The following SPAG1 variants were observed in gnomAD, a reference collection of about 807,000 sequenced individuals.
SPAG1 encodes the protein sperm associated antigen 1, also known as sperm-associated antigen 1.
Under a neutral mutation model 100.5 loss-of-function variants are expected in SPAG1, and 69 were observed. The ratio of observed to expected loss-of-function variants is 0.69; its 90% CI spans 0.57 to 0.84. The LOEUF is 0.84. SPAG1 is among the 40% of genes least tolerant of loss of function. SPAG1 has a pLI of 0.00. For synonymous variants in SPAG1, 336 were observed against 411.6 expected, an observed-to-expected ratio of 0.82 and a Z score of 2.22; for missense variants, 955 against 1,133.1, an observed-to-expected ratio of 0.84 and a Z score of 2.26.
rs565231006 is a variant in SPAG1 at position 100,160,491 on chromosome 8, G to T, written c.-2-1788G>T. Among the ~76,000 whole-genome samples, 3 of 152,244 alleles carry T rather than the reference G, an allele frequency of 2.0e-5. No homozygotes were observed. The East Asian group carries it at 5.8e-4, about 29-fold the overall frequency. On this transcript the variant is annotated intron_variant, in intron 1 of 18. Coordinates refer to ENST00000388798, the MANE Select transcript of SPAG1 (RefSeq NM_003114.5). ...AAAATACAAAAATTAGTTGGGCGTGGTGGCCCACACCTGTAATCCCAGCTA... is the reference window on the plus strand; with the variant it reads ...AAAATACAAAAATTAGTTGGGCGTGTTGGCCCACACCTGTAATCCCAGCTA...
At chr8:100,232,818 C>A (rs1818838302) in intron 15 of SPAG1, among the ~76,000 whole-genome samples, 1 of 152,200 alleles carries the variant, frequency 6.6e-6, no homozygotes, top group African/African-American at 2.4e-5. Flanking sequence ...CCATGACTTA[C>A]AGTGCCCTTC....
chr8:100,228,392 C>G (rs910729323), intron 14 of SPAG1, among the ~76,000 whole-genome samples: 12 of 132,422 alleles, frequency 9.1e-5, no homozygotes, highest in Non-Finnish European at 1.3e-4. Context: ...TGAAACAAAG[C>G]AAGACCCCCA....
chr8:100,211,774 G>C (rs1457074137), intron 10 of SPAG1, among the ~76,000 whole-genome samples: 1 of 152,260 alleles, frequency 6.6e-6, no homozygotes, highest in Non-Finnish European at 1.5e-5. Context: ...CATTTGTAAA[G>C]TGGGAATGAT....
At chr8:100,236,740 T>G (rs1426399870) in intron 16 of SPAG1, among the ~76,000 whole-genome samples, 1 of 152,178 alleles carries the variant, frequency 6.6e-6, no homozygotes, top group African/African-American at 2.4e-5. Context: ...TTTATTTCTC[T>G]TATTGAGTGC....
intron 1 of SPAG1, among the ~76,000 whole-genome samples, chr8:100,160,008 T>C (rs945261169): frequency 3.9e-5 from 6 of 152,346 alleles, no homozygotes; most frequent in African/African-American, 1.2e-4. Context: ...TTATTACTAA[T>C]GTCACTTAAA....
intron 9 of SPAG1, among the ~76,000 whole-genome samples, chr8:100,193,795 T>C (rs1325506567): frequency 2.0e-5 from 3 of 152,198 alleles, no homozygotes; most frequent in Non-Finnish European, 4.4e-5. Context: ...ATTTCATTTG[T>C]GTAAAACTGT....
intron 15 of SPAG1, among the ~76,000 whole-genome samples, chr8:100,232,008 T>C (rs1000994879): frequency 2.6e-5 from 4 of 151,930 alleles, no homozygotes; most frequent in Non-Finnish European, 5.9e-5. Flanking sequence ...CTTTTCCTTC[T>C]GAAGTGCTGC....
chr8:100,180,694 A>G (rs1816330054), intron 4 of SPAG1, among the ~76,000 whole-genome samples: 1 of 152,188 alleles, frequency 6.6e-6, no homozygotes, highest in Non-Finnish European at 1.5e-5. Context: ...AAATTTGGCT[A>G]TTATCTCTGT....
intron 10 of SPAG1, among the ~76,000 whole-genome samples, chr8:100,210,893 T>A (rs1253326268): frequency 6.6e-6 from 1 of 151,616 alleles, no homozygotes; most frequent in African/African-American, 2.4e-5. Flanking sequence ...AATGGTGTGA[T>A]CTTGGCTCAC....
chr8:100,172,860 A>T (rs2453653), intron 3 of SPAG1, among the ~76,000 whole-genome samples: 49,997 of 151,574 alleles, frequency 0.33, 8,802 homozygotes, highest in East Asian at 0.51. Context: ...TTAAACTTTC[A>T]GCCTTCTCAT....
At chr8:100,190,514 A>C (rs1816767762) in intron 8 of SPAG1, among the ~76,000 whole-genome samples, 3 of 145,810 alleles carry the variant, frequency 2.1e-5, no homozygotes, top group South Asian at 2.2e-4. Flanking sequence ...CAAAGTGCTT[A>C]ATTTCTGACC....
At chr8:100,214,562 T>C (rs1817881728) in intron 12 of SPAG1, among the ~76,000 whole-genome samples, 2 of 152,208 alleles carry the variant, frequency 1.3e-5, no homozygotes, top group Admixed American at 1.3e-4. Flanking sequence ...AGTCCTGTTA[T>C]CCACTGAAGG....
At chr8:100,236,389 C>T (rs1819007291) in intron 16 of SPAG1, among the ~76,000 whole-genome samples, 1 of 152,158 alleles carries the variant, frequency 6.6e-6, no homozygotes, top group Admixed American at 6.5e-5. Flanking sequence ...AGCAATCCTC[C>T]CACTTTGGCC....
chr8:100,170,401 AT>A (rs1377989345), intron 3 of SPAG1, among the ~76,000 whole-genome samples: 1 of 152,180 alleles, frequency 6.6e-6, no homozygotes, highest in Non-Finnish European at 1.5e-5. Flanking sequence ...ATTACATAAA[AT>A]TTATTATCTT....
Position 100,240,875 on chromosome 8 carries a change from T to G in SPAG1, c.2650-16T>G. 6.4e-7 allele frequency: 1 copy of G among 1,566,012 alleles called. No individual in the cohort carries two copies. The highest frequency in any genetic ancestry group is 2.2e-5 in the East Asian group (1 of 44,636). On this transcript the variant is annotated splice_polypyrimidine_tract_variant and intron_variant, in intron 18 of 18. Transcript: ENST00000388798. ...ATAGTTGGTTTTTTGTTTTTTTTTTTTTTTGCTTCTTTTAGATGATGTTGA... is the reference window on the plus strand; with the variant it reads ...ATAGTTGGTTTTTTGTTTTTTTTTTGTTTTGCTTCTTTTAGATGATGTTGA...
chr8:100,177,798 C>T lies in SPAG1; in HGVS notation c.301-18C>T. ...TAATTATTTCAAACTATATATTTACCCTTTTCTCTATTCTCAGAGTTGGGT... is the reference window on the plus strand; with the variant it reads ...TAATTATTTCAAACTATATATTTACTCTTTTCTCTATTCTCAGAGTTGGGT... On this transcript the variant is annotated intron_variant, in intron 3 of 18. Coordinates refer to ENST00000388798, the MANE Select transcript of SPAG1 (RefSeq NM_003114.5). 1.4e-6 allele frequency: 2 copies of T among 1,384,582 alleles called. No individual in the cohort carries two copies. Among genetic ancestry groups the T allele is most frequent in the Non-Finnish European group, 2.0e-6 (2 of 987,736 alleles). 85.8% of individuals were successfully genotyped at this position (1,384,582 alleles called of 1,614,324 possible). A position where few individuals can be genotyped will look rare whatever the true frequency, so the allele number is the denominator to read the frequency against.
intron 4 of SPAG1, among the ~76,000 whole-genome samples, chr8:100,178,793 A>C (rs1397108692): frequency 6.6e-6 from 1 of 152,164 alleles, no homozygotes; most frequent in Non-Finnish European, 1.5e-5. Context: ...GCAATCAGTG[A>C]AATTGTATTT....
intron 10 of SPAG1, among the ~76,000 whole-genome samples, chr8:100,207,159 A>T (rs1817546696): frequency 6.6e-6 from 1 of 152,178 alleles, no homozygotes; most frequent in Non-Finnish European, 1.5e-5. Flanking sequence ...TGAACTGCCT[A>T]TCATGAACTG....
At chr8:100,198,607 G>A (rs1450378096) in intron 10 of SPAG1, among the ~76,000 whole-genome samples, 3 of 152,160 alleles carry the variant, frequency 2.0e-5, no homozygotes, top group Non-Finnish European at 4.4e-5. Flanking sequence ...GTTGTCAAAA[G>A]TGAGGTAAGA....
Sources: gnomAD v4.1 joint callset for allele counts (sites outside exome capture counted in the v4.1 genomes callset) on GRCh38, gnomAD v4.1.1 for gene constraint, MANE v1.5 for transcripts, NCBI Gene and HGNC (gene_info 2026-07-23, HGNC 2026-07-21) for gene names.